GLRA1: variants seen among roughly 807,000 people sequenced by gnomAD.
GLRA1 encodes glycine receptor subunit alpha-1.
In GLRA1, 37 loss-of-function variants were observed where a neutral mutation model predicts 48.3. The ratio of observed to expected loss-of-function variants is 0.77; its 90% CI spans 0.59 to 1.01. The LOEUF (loss-of-function observed/expected upper bound fraction) is 1.01. Among genes scored for constraint, GLRA1 ranks in the 50% least tolerant of loss-of-function variants. GLRA1 has a pLI of 0.00. For synonymous variants in GLRA1, 196 were observed against 210.7 expected (o/e 0.93, Z 0.60); for missense variants, 427 against 571.0 (o/e 0.75, Z 2.57).
chr5:151,921,296 G>A (rs1003682593), intron 1 of GLRA1, among the ~76,000 whole-genome samples: 2 of 152,106 alleles, frequency 1.3e-5, no homozygotes, highest in South Asian at 2.1e-4. Flanking sequence ...TTTCCTCCTC[G>A]TTATAATTAC....
intron 2 of GLRA1, among the ~76,000 whole-genome samples, chr5:151,889,172 G>A (rs554431854): frequency 3.9e-5 from 6 of 152,118 alleles, no homozygotes; most frequent in Admixed American, 2.6e-4. Flanking sequence ...GGGAAGGTGC[G>A]GTTCATTGAA....
intron 7 of GLRA1, among the ~76,000 whole-genome samples, chr5:151,843,165 A>G (rs6579909): frequency 0.41 from 61,835 of 151,860 alleles, 12,726 homozygotes; most frequent in South Asian, 0.46. Flanking sequence ...TAAGATGGCA[A>G]TACTCCCCTG....
intron 7 of GLRA1, chr5:151,849,027 A>G: frequency 1.6e-6 from 1 of 618,094 alleles, no homozygotes. Context: ...CAGACTCTGG[A>G]CAGTGAGCCC....
intron 3 of GLRA1, among the ~76,000 whole-genome samples, chr5:151,863,468 G>C (rs902873784): frequency 3.9e-5 from 6 of 152,074 alleles, no homozygotes; most frequent in Non-Finnish European, 8.8e-5. Context: ...TTTTGTTACA[G>C]AGACATTGTA....
chr5:151,858,298 A>G (rs1238501887), intron 4 of GLRA1, among the ~76,000 whole-genome samples: 1 of 152,212 alleles, frequency 6.6e-6, no homozygotes, highest in Non-Finnish European at 1.5e-5. Flanking sequence ...AAAAGTGAAG[A>G]GAAAGTGAAT....
intron 1 of GLRA1, among the ~76,000 whole-genome samples, chr5:151,905,829 A>G (rs986562202): frequency 2.6e-5 from 4 of 152,198 alleles, no homozygotes; most frequent in African/African-American, 7.2e-5. Flanking sequence ...AATTGTAGAC[A>G]TTGGAACGTG....
At chr5:151,893,282 AACTT>A (rs1561575018) in intron 1 of GLRA1, among the ~76,000 whole-genome samples, 1 of 132,962 alleles carries the variant, frequency 7.5e-6, no homozygotes, top group Non-Finnish European at 1.7e-5. Context: ...CCCTCTGCCC[AACTT>A]TCTTTCTTTC....
rs546685285 is a variant in GLRA1, at chr5:151,871,934, C to T, written c.253-11926G>A. ...CATGGAAGAAAGAAAGGGCTGAAAG[C>T]GTTAAGAAAAACTTGTAAATGAAGA... On this transcript the variant is annotated intron_variant, in intron 3 of 8. Coordinates refer to ENST00000274576, the MANE Select transcript of GLRA1 (RefSeq NM_000171.4). Among the ~76,000 whole-genome samples, 2 of 149,566 alleles carry T rather than the reference C, an allele frequency of 1.3e-5. 1 individual carries two copies. Among genetic ancestry groups the T allele is most frequent in the African/African-American group, 5.1e-5 (2 of 39,060 alleles).
At chr5:151,878,300 G>C (rs2913893) in intron 3 of GLRA1, among the ~76,000 whole-genome samples, 84,065 of 152,008 alleles carry the variant, frequency 0.55, 23,712 homozygotes, top group East Asian at 0.69. Flanking sequence ...TCTGGTGGAA[G>C]TAAGCAGCAA....
chr5:151,827,730 C>T (rs1051222603), intron 8 of GLRA1, among the ~76,000 whole-genome samples: 22 of 152,078 alleles, frequency 1.4e-4, no homozygotes, highest in African/African-American at 5.1e-4. Context: ...CAGTCTAAAG[C>T]TTGTAGGACC....
In GLRA1 at chr5:151,849,292, CTTCT is replaced by C. The variant is rs1207880341; in HGVS notation, c.912+2094_912+2097del. ...TCTCTCTCTTCCTTTCTTTCTCTCT[CTTCT>C]TTCTTTCTTTCCCTCCCTCCCTCCC... is the stretch of plus-strand genomic sequence containing the variant. On this transcript the variant is annotated intron_variant, in intron 7 of 8. Coordinates refer to ENST00000274576, the MANE Select transcript of GLRA1 (RefSeq NM_000171.4). Among the ~76,000 whole-genome samples the C allele has an allele frequency of 4.6e-4, 54 of 117,912 alleles. 1 individual carries two copies. Among genetic ancestry groups the C allele is most frequent in the Non-Finnish European group, 6.7e-4 (39 of 58,448 alleles). 77.4% of individuals were successfully genotyped at this position (117,912 alleles called of 152,430 possible). A position where few individuals can be genotyped will look rare whatever the true frequency, so the allele number is the denominator to read the frequency against.
intron 1 of GLRA1, among the ~76,000 whole-genome samples, chr5:151,917,852 A>G (rs573835068): frequency 9.8e-5 from 15 of 152,328 alleles, no homozygotes; most frequent in African/African-American, 3.4e-4. Flanking sequence ...TGAGAAAGGG[A>G]GCAGAGGCTT....
intron 4 of GLRA1, 43 bp from the exon 5 acceptor site, chr5:151,856,426 C>T: frequency 7.8e-7 from 1 of 1,287,774 alleles, no homozygotes; most frequent in Non-Finnish European, 1.1e-6. Flanking sequence ...ATCTGCACAT[C>T]AGGGAGGCTG....
At chr5:151,843,474 G>A (rs1752564997) in intron 7 of GLRA1, among the ~76,000 whole-genome samples, 1 of 151,832 alleles carries the variant, frequency 6.6e-6, no homozygotes, top group Admixed American at 6.6e-5. Flanking sequence ...TGTTAGTCAG[G>A]ATGGTCTAGA....
At chr5:151,850,225 T>C in intron 7 of GLRA1, 1 of 1,604,356 alleles carries the variant, frequency 6.2e-7, no homozygotes, top group African/African-American at 1.3e-5. Context: ...CAGGCCTGCT[T>C]GTATGCTGGA....
chr5:151,875,824 C>T (rs556770364), intron 3 of GLRA1: 3 of 152,240 alleles, frequency 2.0e-5, no homozygotes, highest in East Asian at 1.9e-4. Flanking sequence ...TCTTTATGCT[C>T]AGCAAATGGA....
chr5:151,867,774 C>A (rs1405868128), intron 3 of GLRA1, among the ~76,000 whole-genome samples: 1 of 152,160 alleles, frequency 6.6e-6, no homozygotes, highest in Admixed American at 6.5e-5. Context: ...AAAGTTCAGG[C>A]TCTTAACTAC....
rs146177727 is a variant in GLRA1, at chr5:151,866,371, C to T, written c.253-6363G>A. ...AGTTGGATCTGTCCCCCACCTCTAC[C>T]CCCACTGTGCCTCATTTCAGATTCT... On this transcript the variant is annotated intron_variant, in intron 3 of 8. Coordinates refer to ENST00000274576, the MANE Select transcript of GLRA1 (RefSeq NM_000171.4). 2.0e-5 allele frequency among the ~76,000 whole-genome samples: 3 copies of T among 152,274 alleles called. No individual in the cohort carries two copies. In the East Asian group the frequency reaches 5.8e-4, roughly 29 times the overall value.
chr5:151,849,104 T>TTTATTTA (rs200997346), intron 7 of GLRA1: 1 of 116,086 alleles, frequency 8.6e-6, no homozygotes, highest in Non-Finnish European at 1.6e-5. Context: ...ATTTCTTTTC[T>TTTATTTA]TTTCTTTCTT....
Sources: allele counts gnomAD v4.1 joint callset (sites outside exome capture counted in the v4.1 genomes callset), GRCh38; gene constraint gnomAD v4.1.1; transcripts MANE v1.5; gene names NCBI Gene and HGNC (gene_info 2026-07-23, HGNC 2026-07-21).